PGR: variants seen among roughly 807,000 people sequenced by gnomAD.
PGR encodes the protein nuclear receptor subfamily 3 group C member 3.
PGR carries 25 observed loss-of-function variants against 76.1 expected under a neutral mutation model. The observed-to-expected ratio is 0.33, with a 90% CI of 0.24 to 0.46. The LOEUF (loss-of-function observed/expected upper bound fraction) is 0.46. Ranked by LOEUF, PGR falls within the 20% of genes least tolerant of loss-of-function variation. The pLI is 1.00. For synonymous variants in PGR, 579 were observed against 535.0 expected, an observed-to-expected ratio of 1.08 and a Z score of -1.14; for missense variants, 1,172 against 1,225.3, an observed-to-expected ratio of 0.96 and a Z score of 0.65.
At chr11:101,076,601 T>C (rs1030849837) in intron 3 of PGR, among the ~76,000 whole-genome samples, 1 of 152,044 alleles carries the variant, frequency 6.6e-6, no homozygotes, top group Non-Finnish European at 1.5e-5. Context: ...TTGATGTATA[T>C]GTGACTGAAT....
chr11:101,119,461 T>C (rs766899798), intron 2 of PGR, among the ~76,000 whole-genome samples: 6 of 152,204 alleles, frequency 3.9e-5, no homozygotes, highest in Admixed American at 2.6e-4. Flanking sequence ...GCCATGCTGT[T>C]AGAAGAGTGA....
intron 3 of PGR, among the ~76,000 whole-genome samples, chr11:101,082,761 G>C (rs1453551631): frequency 2.0e-5 from 3 of 152,116 alleles, no homozygotes; most frequent in African/African-American, 7.2e-5. Flanking sequence ...ATGCTCATAT[G>C]CATGAAAAAA....
In PGR at chr11:101,031,184, C is replaced by A; in HGVS notation, c.*7932G>T. On this transcript the variant is annotated 3_prime_UTR_variant, in exon 8 of 8. Transcript: ENST00000325455. Reference sequence around the variant, plus strand: ...TAAGCCAGCAAGAAATGGAAGTTAGCAAAGTCCCAGCACTCTGCAGTGCTG... The same window carrying A: ...TAAGCCAGCAAGAAATGGAAGTTAGAAAAGTCCCAGCACTCTGCAGTGCTG... 4.6e-6 allele frequency: 1 copy of A among 215,518 alleles called. No individual in the cohort carries two copies. Among genetic ancestry groups the A allele is most frequent in the South Asian group, 1.9e-4 (1 of 5,378 alleles). 13.4% of individuals were successfully genotyped at this position (215,518 alleles called of 1,614,324 possible).
intron 3 of PGR, among the ~76,000 whole-genome samples, chr11:101,064,860 T>C (rs1860658230): frequency 1.3e-5 from 2 of 152,240 alleles, no homozygotes; most frequent in Admixed American, 1.3e-4. Context: ...TTTTTTACTG[T>C]ACTGTCTCTA....
intron 3 of PGR, among the ~76,000 whole-genome samples, chr11:101,073,599 A>G (rs1861020416): frequency 6.6e-6 from 1 of 152,194 alleles, no homozygotes; most frequent in Non-Finnish European, 1.5e-5. Context: ...AGACTAATAA[A>G]GAAGGGAGAG....
At chr11:101,123,135 T>G (rs1862731259) in intron 2 of PGR, among the ~76,000 whole-genome samples, 1 of 152,190 alleles carries the variant, frequency 6.6e-6, no homozygotes, top group Non-Finnish European at 1.5e-5. Flanking sequence ...CAGCTTAACA[T>G]CTACAGGTCT....
At position 101,062,588 on chromosome 11, in the gene PGR, A is replaced by G. The variant is rs1326756154; in HGVS notation, c.2071T>C (p.Leu691=). Residue 691 remains leucine, a synonymous_variant, in exon 4 of 8, where the codon TTA becomes CTA. Coordinates refer to ENST00000325455, the MANE Select transcript of PGR (RefSeq NM_000926.4). Reference sequence around the variant, plus strand: ...ATCACATCTGGTTCAATGCTCATTAACAGGTTGATCAGTGGTGGAATCAAC... The same window carrying G: ...ATCACATCTGGTTCAATGCTCATTAGCAGGTTGATCAGTGGTGGAATCAAC... The part of the protein sequence containing the change: ...IQLIPPLINL[L]MSIEPDVIYA... 1 of 1,613,922 alleles carries G rather than the reference A, an allele frequency of 6.2e-7. No homozygotes were observed. Among genetic ancestry groups the G allele is most frequent in the Non-Finnish European group, 8.5e-7 (1 of 1,179,952 alleles).
intron 2 of PGR, among the ~76,000 whole-genome samples, chr11:101,123,167 G>A (rs914345539): frequency 6.6e-6 from 1 of 152,084 alleles, no homozygotes; most frequent in Non-Finnish European, 1.5e-5. Context: ...TTTGTAAAGT[G>A]GGAGTAATAA....
At chr11:101,094,470 T>C (rs1177796260) in intron 2 of PGR, among the ~76,000 whole-genome samples, 2 of 152,188 alleles carry the variant, frequency 1.3e-5, no homozygotes, top group Non-Finnish European at 2.9e-5. Context: ...TTAAATTCCC[T>C]TTGTCAACTC....
chr11:101,114,331 C>T lies in PGR; in HGVS notation c.1789+11676G>A, dbSNP rs571121094. Among the ~76,000 whole-genome samples the T allele has an allele frequency of 4.1e-4, 63 of 152,186 alleles. 1 individual carries two copies. Among genetic ancestry groups the T allele is most frequent in the African/African-American group, 1.4e-3 (59 of 41,518 alleles). The stretch of plus-strand genomic sequence containing the variant: ...TCAATATTTAACACAAATCCAGGCA[C>T]AAAACGGCATTATTTTTGGTATAAA... On this transcript the variant is annotated intron_variant, in intron 2 of 7. Coordinates refer to ENST00000325455, the MANE Select transcript of PGR (RefSeq NM_000926.4).
Position 101,030,236 on chromosome 11 carries a change from C to T in PGR, c.*8880G>A. The T allele has an allele frequency of 9.0e-6, 2 of 223,002 alleles. No individual in the cohort carries two copies. Among genetic ancestry groups the T allele is most frequent in the East Asian group, 1.3e-4 (2 of 15,224 alleles). The allele number at this position is 223,002 out of a possible 1,614,324, so 13.8% of individuals were successfully genotyped here. A position where few individuals can be genotyped will look rare whatever the true frequency, so the allele number is the denominator to read the frequency against. ...TTGCCAAGTATTAACACTAGTTTTACTAATAAGCAACGGGGTAGATAACTT... is the reference window on the plus strand; with the variant it reads ...TTGCCAAGTATTAACACTAGTTTTATTAATAAGCAACGGGGTAGATAACTT... On this transcript the variant is annotated 3_prime_UTR_variant, in exon 8 of 8. Transcript: ENST00000325455.
At chr11:101,088,872 A>G (rs1861584064) in intron 3 of PGR, among the ~76,000 whole-genome samples, 1 of 152,214 alleles carries the variant, frequency 6.6e-6, no homozygotes. Context: ...ACGAAGTCAC[A>G]TCCTTTGCAG....
In PGR at chr11:101,035,307, A is replaced by T; in HGVS notation, c.*3809T>A. ...TGGCTCTGGAGTTGTAAAAGTTTTT[A>T]AAATGATTCATATTCTATCCTGACT... On this transcript the variant is annotated 3_prime_UTR_variant, in exon 8 of 8. Transcript: ENST00000325455. 1 of 229,512 alleles carries T rather than the reference A, an allele frequency of 4.4e-6. No homozygotes were observed. The highest frequency in any genetic ancestry group is 8.6e-6 in the Non-Finnish European group (1 of 115,710). The allele number at this position is 229,512 out of a possible 1,614,324, so 14.2% of individuals were successfully genotyped here.
rs999147633 is a variant in PGR at position 101,034,956 on chromosome 11, A to T, written c.*4160T>A. ...TGAATAAGAAAAAAAGAAACCACAAAACCTAGGTGATGTTCTTTTCATTAA... is the reference window on the plus strand; with the variant it reads ...TGAATAAGAAAAAAAGAAACCACAATACCTAGGTGATGTTCTTTTCATTAA... On this transcript the variant is annotated 3_prime_UTR_variant, in exon 8 of 8. Transcript: ENST00000325455. 1.0e-5 allele frequency: 2 copies of T among 190,606 alleles called. No homozygotes were observed. Among genetic ancestry groups the T allele is most frequent in the Non-Finnish European group, 2.2e-5 (2 of 90,984 alleles). 11.8% of individuals were successfully genotyped at this position (190,606 alleles called of 1,614,324 possible).
intron 6 of PGR, among the ~76,000 whole-genome samples, chr11:101,047,149 C>T (rs574802055): frequency 2.0e-5 from 3 of 152,136 alleles, no homozygotes; most frequent in Non-Finnish European, 2.9e-5. Context: ...ATCTCACTTC[C>T]TTTTCTTACC....
intron 2 of PGR, among the ~76,000 whole-genome samples, chr11:101,113,529 C>A (rs570885): frequency 0.12 from 17,776 of 151,998 alleles, 1,351 homozygotes; most frequent in Non-Finnish European, 0.16. Flanking sequence ...CTCGGCCTTC[C>A]AGAGTGCTGG....
chr11:101,075,977 C>T (rs1240301121), intron 3 of PGR, among the ~76,000 whole-genome samples: 1 of 152,046 alleles, frequency 6.6e-6, no homozygotes, highest in Non-Finnish European at 1.5e-5. Context: ...GGTATGTACC[C>T]AAAGGATTAT....
intron 2 of PGR, among the ~76,000 whole-genome samples, chr11:101,097,669 T>C (rs1325016899): frequency 6.6e-6 from 1 of 152,236 alleles, no homozygotes; most frequent in Non-Finnish European, 1.5e-5. Flanking sequence ...TTACCACCTT[T>C]TAACTTTTTT....
In PGR at chr11:101,127,922, G is replaced by C. The variant is rs760317015; in HGVS notation, c.1149C>G (p.Pro383=). The change falls in exon 1 of 8, where the codon CCC becomes CCG. Residue 383 remains proline, a synonymous_variant. Transcript: ENST00000325455. ...AYPLYSDFQP[P]ALKIKEEEEG... ...CCTCCTCCTCCTTTATCTTTAGAGC[G>C]GGCGGCTGGAAGTCGCTATAGAGAG... 9.9e-6 allele frequency: 16 copies of C among 1,611,080 alleles called. No homozygotes were observed. The African/African-American group carries it at 1.5e-4, about 15-fold the overall frequency.
Sources: gnomAD v4.1 joint callset for allele counts (sites outside exome capture counted in the v4.1 genomes callset) on GRCh38, gnomAD v4.1.1 for gene constraint, MANE v1.5 for transcripts, NCBI Gene and HGNC (gene_info 2026-07-23, HGNC 2026-07-21) for gene names.